The following SGCZ variants were observed in gnomAD, a reference collection of about 807,000 sequenced individuals.
The protein encoded by SGCZ is sarcoglycan zeta, also known as zeta-sarcoglycan.
Under a neutral mutation model 41.3 loss-of-function variants are expected in SGCZ, and 40 were observed. The observed-to-expected ratio is 0.97, with a 90% CI of 0.75 to 1.26. The LOEUF (loss-of-function observed/expected upper bound fraction) is 1.26, where lower values mean the gene tolerates loss of function less well. SGCZ is among the 50% of genes most tolerant of loss of function. The pLI, the probability that SGCZ is intolerant of heterozygous loss-of-function variation, is 0.00. For synonymous variants in SGCZ, 206 were observed against 137.5 expected (o/e 1.50, Z -3.49); for missense variants, 552 against 369.8 (o/e 1.49, Z -4.04).
intron 1 of SGCZ, among the ~76,000 whole-genome samples, chr8:14,980,393 G>A (rs1482467501): frequency 6.6e-6 from 1 of 152,154 alleles, no homozygotes; most frequent in Non-Finnish European, 1.5e-5. Context: ...CATTTTGAGG[G>A]TCTAATTTTT....
intron 1 of SGCZ, among the ~76,000 whole-genome samples, chr8:15,168,242 G>T (rs1265335302): frequency 6.6e-6 from 1 of 152,158 alleles, no homozygotes; most frequent in African/African-American, 2.4e-5. Flanking sequence ...GGGATTCAGA[G>T]GCAGATGACA....
Position 14,540,621 on chromosome 8 carries a change from T to G in SGCZ, c.234+14111A>C, listed in dbSNP as rs1299973218. ...TTAGTGTATGCAACTTGATCACATT[T>G]TCACTTTCTGTTTAACTACTTTGAT... On this transcript the variant is annotated intron_variant, in intron 2 of 7. Transcript: ENST00000382080. 2.0e-5 allele frequency among the ~76,000 whole-genome samples: 3 copies of G among 151,972 alleles called. No homozygotes were observed. The East Asian group carries it at 5.8e-4, about 29-fold the overall frequency.
chr8:15,076,511 G>T (rs992923505), intron 1 of SGCZ, among the ~76,000 whole-genome samples: 3 of 152,168 alleles, frequency 2.0e-5, no homozygotes, highest in Non-Finnish European at 4.4e-5. Flanking sequence ...TTTCAATTCA[G>T]TCTGAACACA....
chr8:14,378,055 T>A (rs1249904046), intron 2 of SGCZ, among the ~76,000 whole-genome samples: 6 of 149,880 alleles, frequency 4.0e-5, no homozygotes, highest in African/African-American at 1.5e-4. Flanking sequence ...AGTAATGGGA[T>A]GGCTGGGTCA....
intron 2 of SGCZ, chr8:14,332,696 A>T (rs1802378489): frequency 6.6e-6 from 1 of 151,748 alleles, no homozygotes; most frequent in South Asian, 2.1e-4. Context: ...TGAGACTACA[A>T]ATAAGGAACC....
intron 5 of SGCZ, among the ~76,000 whole-genome samples, chr8:14,109,400 T>C (rs1802307582): frequency 1.3e-5 from 2 of 152,020 alleles, no homozygotes; most frequent in Admixed American, 1.3e-4. Context: ...ATTGAGAAAA[T>C]CTTTTCTGTA....
chr8:14,220,141 G>C (rs563618496), intron 4 of SGCZ, among the ~76,000 whole-genome samples: 1 of 152,036 alleles, frequency 6.6e-6, no homozygotes, highest in Non-Finnish European at 1.5e-5. Context: ...GCATATAAAC[G>C]TACACCAAAA....
At chr8:14,447,011 T>C (rs1168599703) in intron 2 of SGCZ, among the ~76,000 whole-genome samples, 1 of 152,120 alleles carries the variant, frequency 6.6e-6, no homozygotes, top group African/African-American at 2.4e-5. Context: ...AACATGAAAA[T>C]AGCAAAGATG....
Position 14,996,432 on chromosome 8 carries a change from C to T in SGCZ, c.39+241153G>A, listed in dbSNP as rs77054540. ...TGTTTTGTTTTGAAAGATGGTGTCC[C>T]TCCCTGTCCCCCAGGCTGGAGTGTA... On this transcript the variant is annotated intron_variant, in intron 1 of 7. Transcript: ENST00000382080. 9.3e-3 allele frequency among the ~76,000 whole-genome samples: 1,415 copies of T among 152,202 alleles called. 15 individuals are homozygous for T. The highest frequency in any genetic ancestry group is 0.013 in the Non-Finnish European group (882 of 68,012).
chr8:15,166,494 C>A (rs186643369), intron 1 of SGCZ, among the ~76,000 whole-genome samples: 4 of 152,002 alleles, frequency 2.6e-5, no homozygotes, highest in Non-Finnish European at 4.4e-5. Context: ...ATGATCCGCC[C>A]GCCTTGGCCT....
At chr8:14,254,484 C>A (rs796535996) in intron 3 of SGCZ, among the ~76,000 whole-genome samples, 19 of 151,798 alleles carry the variant, frequency 1.3e-4, no homozygotes, top group African/African-American at 4.6e-4. Context: ...TATCTTAGGT[C>A]AAAAATAAGT....
At chr8:14,188,824 G>GTTTTTTTTTTTTTTTT (rs145555540) in intron 4 of SGCZ, among the ~76,000 whole-genome samples, 3 of 62,394 alleles carry the variant, frequency 4.8e-5, no homozygotes, top group African/African-American at 2.4e-4. Flanking sequence ...TTGTTTCTTT[G>GTTTTTTTTTTTTTTTT]TTTTTTTTTG....
At chr8:14,691,986 G>T (rs560748764) in intron 1 of SGCZ, among the ~76,000 whole-genome samples, 2 of 151,488 alleles carry the variant, frequency 1.3e-5, no homozygotes, top group African/African-American at 4.8e-5. Flanking sequence ...AATATTAGTA[G>T]GATAGTTCAC....
intron 1 of SGCZ, among the ~76,000 whole-genome samples, chr8:15,101,079 G>A (rs953115621): frequency 6.6e-6 from 1 of 151,868 alleles, no homozygotes; most frequent in Non-Finnish European, 1.5e-5. Flanking sequence ...CTAGACATAC[G>A]ACTTATACTT....
intron 1 of SGCZ, among the ~76,000 whole-genome samples, chr8:15,108,659 T>C (rs917482081): frequency 6.6e-6 from 1 of 152,172 alleles, no homozygotes; most frequent in African/African-American, 2.4e-5. Context: ...ATATGGTGTG[T>C]GTGACCCATC....
chr8:14,086,148 T>C lies in SGCZ; in HGVS notation c.*4295A>G, dbSNP rs927119197. On this transcript the variant is annotated 3_prime_UTR_variant, in exon 8 of 8. Transcript: ENST00000382080. ...ATATGATCACATGAACAACTCTTATTAGACCACAGCTATTTGAAGAATTAG... is the reference window on the plus strand; with the variant it reads ...ATATGATCACATGAACAACTCTTATCAGACCACAGCTATTTGAAGAATTAG... Among the ~76,000 whole-genome samples, 4 of 151,736 alleles carry C rather than the reference T, an allele frequency of 2.6e-5. No homozygotes were observed. The highest frequency in any genetic ancestry group is 9.7e-5 in the African/African-American group (4 of 41,408).
At chr8:14,223,312 T>C (rs1806266265) in intron 4 of SGCZ, among the ~76,000 whole-genome samples, 2 of 152,196 alleles carry the variant, frequency 1.3e-5, no homozygotes, top group African/African-American at 4.8e-5. Context: ...GAGAATACTT[T>C]GGAAACATTT....
At chr8:14,535,324 A>T (rs6986539) in intron 2 of SGCZ, among the ~76,000 whole-genome samples, 2 of 151,746 alleles carry the variant, frequency 1.3e-5, no homozygotes, top group South Asian at 2.1e-4. Flanking sequence ...GAAAAAAAAA[A>T]GTCTGCTTGC....
chr8:15,150,549 T>C (rs1338298192), intron 1 of SGCZ, among the ~76,000 whole-genome samples: 1 of 152,300 alleles, frequency 6.6e-6, no homozygotes, highest in East Asian at 1.9e-4. Flanking sequence ...GGTTTGATTG[T>C]GTTAATGAGT....
Sources: gnomAD v4.1 joint callset for allele counts (sites outside exome capture counted in the v4.1 genomes callset) on GRCh38, gnomAD v4.1.1 for gene constraint, MANE v1.5 for transcripts, NCBI Gene and HGNC (gene_info 2026-07-23, HGNC 2026-07-21) for gene names.